Variants in USP1 observed in about 807,000 individuals in gnomAD.
USP1 encodes the protein ubiquitin specific peptidase 1, also known as ubiquitin carboxyl-terminal hydrolase 1.
Under a neutral mutation model 72.2 loss-of-function variants are expected in USP1, and 18 were observed. That is an observed-to-expected ratio of 0.25 (90% CI 0.17 to 0.37). USP1 has a LOEUF of 0.37. Among genes scored for constraint, USP1 ranks in the 10% least tolerant of loss-of-function variants. USP1 has a pLI of 1.00. For missense variants in USP1, 759 were observed against 884.9 expected, an observed-to-expected ratio of 0.86 and a Z score of 1.81; for synonymous variants, 354 against 303.7, an observed-to-expected ratio of 1.17 and a Z score of -1.72.
intron 1 of USP1, among the ~76,000 whole-genome samples, chr1:62,438,741 A>C (rs1645110520): frequency 6.6e-6 from 1 of 152,196 alleles, no homozygotes; most frequent in African/African-American, 2.4e-5. Context: ...TTTACTTTAA[A>C]ACAGGGTGGG....
chr1:62,437,368 A>G lies in USP1; in HGVS notation c.-102A>G. 2.6e-6 allele frequency: 1 copy of G among 392,004 alleles called. No homozygotes were observed. Among genetic ancestry groups the G allele is most frequent in the East Asian group, 3.6e-5 (1 of 27,756 alleles). 24.3% of individuals were successfully genotyped at this position (392,004 alleles called of 1,614,324 possible). On this transcript the variant is annotated 5_prime_UTR_variant, in exon 1 of 9. Transcript: ENST00000339950. ...CATTCGGGTTGGACTTGCCGGCGTC[A>G]CCGCCGCGGACTTCGCTTTGGGCCA...
At chr1:62,442,790 C>T (rs925399907) in intron 4 of USP1, among the ~76,000 whole-genome samples, 17 of 152,018 alleles carry the variant, frequency 1.1e-4, no homozygotes, top group African/African-American at 3.1e-4. Context: ...ATTGCTTGAG[C>T]GCAAGAGTTT....
intron 2 of USP1, among the ~76,000 whole-genome samples, chr1:62,440,587 A>C (rs1442818636): frequency 6.6e-6 from 1 of 152,186 alleles, no homozygotes; most frequent in Non-Finnish European, 1.5e-5. Flanking sequence ...CTCTAGCTGG[A>C]GTCTGTACTA....
chr1:62,449,748 CA>C (rs1315335959), intron 8 of USP1, among the ~76,000 whole-genome samples: 3 of 151,852 alleles, frequency 2.0e-5, no homozygotes, highest in Admixed American at 6.6e-5. Context: ...CCTATCTCTA[CA>C]AAAAATACAC....
At chr1:62,436,786 G>A (rs1314824725), upstream of USP1, 1 of 235,902 alleles carries the variant, frequency 4.2e-6, no homozygotes, top group Non-Finnish European at 8.2e-6. Flanking sequence ...CCTCGCGCGC[G>A]CCCTCAGCGA....
chr1:62,441,554 A>G lies in USP1; in HGVS notation c.237A>G (p.Pro79=), dbSNP rs758847289. ...INCEKRENLL[P]FVGLNNLGNT... ...GTGAGAAGAGAGAAAACTTGTTACC[A>G]TTTGTGGGACTGAATAATCTCGGCA... The change falls in exon 3 of 9, where the codon CCA becomes CCG. Residue 79 remains proline (P), a synonymous_variant. Transcript: ENST00000339950. 5 of 1,613,572 alleles carry G rather than the reference A, an allele frequency of 3.1e-6. No homozygotes were observed. The highest frequency in any genetic ancestry group is 1.7e-5 in the Admixed American group (1 of 59,952).
At chr1:62,442,147 G>A (rs770799370) in intron 3 of USP1, 48 bp from the exon 4 acceptor site, 23 of 1,220,090 alleles carry the variant, frequency 1.9e-5, no homozygotes, top group Non-Finnish European at 2.5e-5. Context: ...ATGATTTTAC[G>A]TGTATTGTTT....
chr1:62,438,376 A>AG (rs894472086), intron 1 of USP1, among the ~76,000 whole-genome samples: 2 of 152,214 alleles, frequency 1.3e-5, no homozygotes, highest in African/African-American at 4.8e-5. Flanking sequence ...TTAGGTAGAC[A>AG]GGAGAGTAAG....
chr1:62,437,485 C>A (rs1168390856), intron 1 of USP1, 85 bp downstream of exon 1: 3 of 281,788 alleles, frequency 1.1e-5, no homozygotes, highest in African/African-American at 2.2e-5. Flanking sequence ...CGGGGAGACC[C>A]CGGGACCGTG....
Position 62,451,065 on chromosome 1 carries a change from T to A in USP1, c.*84T>A. The A allele has an allele frequency of 7.5e-7, 1 of 1,340,322 alleles. No homozygotes were observed. Among genetic ancestry groups the A allele is most frequent in the Non-Finnish European group, 1.0e-6 (1 of 1,001,938 alleles). 83.0% of individuals were successfully genotyped at this position (1,340,322 alleles called of 1,614,324 possible). On this transcript the variant is annotated 3_prime_UTR_variant, in exon 9 of 9. Coordinates refer to ENST00000339950, the MANE Select transcript of USP1 (RefSeq NM_003368.5). ...TGATTACATCAAAGAATCTTTAGCT[T>A]ATCTTTTGAAGCTACTGGATATTAT...
In USP1 at chr1:62,439,915, C is replaced by T. The variant is rs780374692; in HGVS notation, c.48C>T (p.Ser16=). 11 of 1,558,694 alleles carry T rather than the reference C, an allele frequency of 7.1e-6. No individual in the cohort carries two copies. The African/African-American group carries it at 1.5e-4, about 22-fold the overall frequency. ...AAAGTAATGGACTTTCAAGAGGTAG[C>T]CCTTCAAAGAAAAACAGACTTTCCT... The part of the protein sequence containing the change: ...PSESNGLSRG[S]PSKKNRLSLK... Residue 16 remains serine, a synonymous_variant, in exon 2 of 9, where the codon AGC becomes AGT. Coordinates refer to ENST00000339950, the MANE Select transcript of USP1 (RefSeq NM_003368.5).
At chr1:62,442,677 C>T (rs1297793496) in intron 4 of USP1, among the ~76,000 whole-genome samples, 1 of 152,102 alleles carries the variant, frequency 6.6e-6, no homozygotes, top group Non-Finnish European at 1.5e-5. Context: ...TTGTAATTCA[C>T]ATAAATAGTA....
chr1:62,447,565 A>G, intron 7 of USP1, 54 bp downstream of exon 7: 1 of 1,554,722 alleles, frequency 6.4e-7, no homozygotes, highest in Non-Finnish European at 8.7e-7. Flanking sequence ...ATAATTCTTT[A>G]ACAACACAAA....
chr1:62,442,883 G>T (rs1236843301), intron 4 of USP1, among the ~76,000 whole-genome samples: 1 of 151,966 alleles, frequency 6.6e-6, no homozygotes, highest in Non-Finnish European at 1.5e-5. Context: ...TGAGCCTGTA[G>T]TTCCAGCTAA....
chr1:62,439,834 A>G lies in USP1; in HGVS notation c.-34A>G. On this transcript the variant is annotated 5_prime_UTR_variant, in exon 2 of 9. Transcript: ENST00000339950. ...TGATTACAACTTTCCTCTATAAATT[A>G]ACTCTTGACACTCCTTGGGATTTGA... 2 of 1,347,860 alleles carry G rather than the reference A, an allele frequency of 1.5e-6. No individual in the cohort carries two copies. Among genetic ancestry groups the G allele is most frequent in the Non-Finnish European group, 1.9e-6 (2 of 1,039,618 alleles). The allele number at this position is 1,347,860 out of a possible 1,614,324, so 83.5% of individuals were successfully genotyped here.
At chr1:62,448,376 A>C (rs1645191160) in intron 7 of USP1, 89 bp from the exon 8 acceptor site, 4 of 1,308,016 alleles carry the variant, frequency 3.1e-6, no homozygotes, top group Non-Finnish European at 2.1e-6. Context: ...GTCAATTGAA[A>C]TTAAATGCTA....
Position 62,450,812 on chromosome 1 carries a change from A to G in USP1, c.2189A>G (p.Glu730Gly). The G allele has an allele frequency of 6.2e-7, 1 of 1,614,040 alleles. No individual in the cohort carries two copies. The highest frequency in any genetic ancestry group is 8.5e-7 in the Non-Finnish European group (1 of 1,179,968). Reference protein sequence around the residue: ...DQTGINISGFENKISYVVQSL... With the variant: ...DQTGINISGFGNKISYVVQSL... Reference sequence around the variant, plus strand: ...ACAGGCATTAATATTAGTGGATTTGAGAACAAAATTTCATACGTAGTGCAA... The same window carrying G: ...ACAGGCATTAATATTAGTGGATTTGGGAACAAAATTTCATACGTAGTGCAA... Residue 730 changes from glutamate to glycine, a missense_variant, in exon 9 of 9, where the codon GAG becomes GGG. By Grantham distance (98) the Glu-to-Gly change is moderately conservative. Coordinates refer to ENST00000339950, the MANE Select transcript of USP1 (RefSeq NM_003368.5).
intron 8 of USP1, 52 bp from the exon 9 acceptor site, chr1:62,450,194 T>G (rs1382324037): frequency 3.2e-6 from 5 of 1,550,174 alleles, no homozygotes; most frequent in African/African-American, 1.4e-5. Context: ...GGTATAACAT[T>G]TTGAATTTAA....
chr1:62,441,946 G>A (rs1045692010), intron 3 of USP1, among the ~76,000 whole-genome samples: 5 of 152,086 alleles, frequency 3.3e-5, no homozygotes, highest in African/African-American at 7.2e-5. Flanking sequence ...GTCCGTTGGC[G>A]CTGTGTTGTG....
Sources: gnomAD v4.1 joint callset for allele counts (sites outside exome capture counted in the v4.1 genomes callset) on GRCh38, gnomAD v4.1.1 for gene constraint, MANE v1.5 for transcripts, NCBI Gene and HGNC (gene_info 2026-07-23, HGNC 2026-07-21) for gene names.